The following TSPAN33 variants were observed in gnomAD, a reference collection of about 807,000 sequenced individuals.
The protein encoded by TSPAN33 is tetraspanin-33.
TSPAN33 carries 27 observed loss-of-function variants against 34.8 expected under a neutral mutation model. That is an observed-to-expected ratio of 0.78 (90% confidence interval 0.57 to 1.07). TSPAN33 has a LOEUF of 1.07. Among genes scored for constraint, TSPAN33 ranks in the 50% least tolerant of loss-of-function variants. The pLI is 0.00. For synonymous variants in TSPAN33, 119 were observed against 124.2 expected, an observed-to-expected ratio of 0.96 and a Z score of 0.28; for missense variants, 272 against 324.9, an observed-to-expected ratio of 0.84 and a Z score of 1.25.
intron 1 of TSPAN33, among the ~76,000 whole-genome samples, chr7:129,147,367 G>A (rs1563135005): frequency 1.3e-5 from 2 of 152,170 alleles, no homozygotes; most frequent in Non-Finnish European, 2.9e-5. Flanking sequence ...AAGACCTAGA[G>A]CTGGATCTAA....
chr7:129,156,549 T>A (rs1810666886), intron 1 of TSPAN33, among the ~76,000 whole-genome samples: 1 of 152,220 alleles, frequency 6.6e-6, no homozygotes, highest in Non-Finnish European at 1.5e-5. Flanking sequence ...CTTATTTATA[T>A]CAGCATGGGC....
chr7:129,158,837 G>A (rs1404373025), intron 1 of TSPAN33, among the ~76,000 whole-genome samples: 2 of 152,008 alleles, frequency 1.3e-5, no homozygotes, highest in Admixed American at 6.6e-5. Context: ...TGCAACCTCC[G>A]CCTCCCGGGT....
At position 129,167,352 on chromosome 7, in the gene TSPAN33, A is replaced by C; in HGVS notation, c.589-47A>C. On this transcript the variant is annotated intron_variant, in intron 6 of 7. Transcript: ENST00000486685. The surrounding 1 kb of genome is among the most constrained non-coding windows in gnomAD (Gnocchi z 4.6). Reference sequence around the variant, plus strand: ...CCATCAGCTAAGGCCCCAAACAAAAAGTTATTGGAATTACAGTCCCAATTG... The same window carrying C: ...CCATCAGCTAAGGCCCCAAACAAAACGTTATTGGAATTACAGTCCCAATTG... 1 of 1,579,126 alleles carries C rather than the reference A, an allele frequency of 6.3e-7. No individual in the cohort carries two copies. The highest frequency in any genetic ancestry group is 8.6e-7 in the Non-Finnish European group (1 of 1,157,594).
At chr7:129,145,910 G>C (rs540322145) in intron 1 of TSPAN33, among the ~76,000 whole-genome samples, 1 of 151,982 alleles carries the variant, frequency 6.6e-6, no homozygotes, top group Non-Finnish European at 1.5e-5. Context: ...GTGTGATCAG[G>C]GGTGGCAGAA....
chr7:129,161,891 C>T lies in TSPAN33; in HGVS notation c.160+155C>T, dbSNP rs527965132. On this transcript the variant is annotated intron_variant, in intron 2 of 7. Coordinates refer to ENST00000486685, the MANE Select transcript of TSPAN33 (RefSeq NM_178562.5). The stretch of plus-strand genomic sequence containing the variant: ...TGGTCTACGTAGGTGTCAGACCCCC[C>T]CAGGCCAGTGCCCCTGGATTTCCCT... Among the ~76,000 whole-genome samples, 3 of 152,300 alleles carry T rather than the reference C, an allele frequency of 2.0e-5. No homozygotes were observed. In the East Asian group the frequency reaches 5.8e-4, roughly 29 times the overall value.
At chr7:129,158,026 A>G (rs1792983022) in intron 1 of TSPAN33, among the ~76,000 whole-genome samples, 1 of 152,242 alleles carries the variant, frequency 6.6e-6, no homozygotes, top group South Asian at 2.1e-4. Flanking sequence ...GGGAAGTGCT[A>G]GGAAGAGCTC....
chr7:129,156,506 A>G (rs758815520), intron 1 of TSPAN33, among the ~76,000 whole-genome samples: 6 of 152,146 alleles, frequency 3.9e-5, no homozygotes, highest in Non-Finnish European at 5.9e-5. Flanking sequence ...TCTATGTAGG[A>G]GATTTGTCTT....
chr7:129,160,714 G>C (rs771433682), intron 1 of TSPAN33, among the ~76,000 whole-genome samples: 1 of 152,208 alleles, frequency 6.6e-6, no homozygotes, highest in Non-Finnish European at 1.5e-5. Context: ...ACATTGGAGT[G>C]CACTTTCTTT....
chr7:129,159,364 A>AT (rs1172835772), intron 1 of TSPAN33, among the ~76,000 whole-genome samples: 1 of 151,970 alleles, frequency 6.6e-6, no homozygotes, highest in Non-Finnish European at 1.5e-5. Flanking sequence ...CTGACCCCAC[A>AT]TTTTCTTTTT....
rs776322742 is a variant in TSPAN33, at chr7:129,167,355, T to G, written c.589-44T>G. On this transcript the variant is annotated intron_variant, in intron 6 of 7. Coordinates refer to ENST00000486685, the MANE Select transcript of TSPAN33 (RefSeq NM_178562.5). This position sits in a 1 kb window ranked among gnomAD's most constrained non-coding sequence, Gnocchi z 4.6. The stretch of plus-strand genomic sequence containing the variant: ...TCAGCTAAGGCCCCAAACAAAAAGT[T>G]ATTGGAATTACAGTCCCAATTGGCT... 5.1e-5 allele frequency: 80 copies of G among 1,581,484 alleles called. No individual in the cohort carries two copies. The highest frequency in any genetic ancestry group is 6.9e-5 in the Non-Finnish European group (80 of 1,158,872).
At position 129,161,689 on chromosome 7, in the gene TSPAN33, T is replaced by C. The variant is rs1793056623; in HGVS notation, c.113T>C (p.Met38Thr). The C allele has an allele frequency of 6.2e-7, 1 of 1,614,052 alleles. No individual in the cohort carries two copies. Residue 38 changes from methionine (M) to threonine (T), a missense_variant, in exon 2 of 8, where the codon ATG becomes ACG. By Grantham distance (81) the Met-to-Thr change is moderately conservative. Coordinates refer to ENST00000486685, the MANE Select transcript of TSPAN33 (RefSeq NM_178562.5). ...TTCCTGTCTCCACAGGTGATTTCCA[T>C]GGTGATGGTGGCTGTGGGTGTCTAC... Reference protein sequence around the residue: ...FFNMLFWVISMVMVAVGVYAR... With the variant: ...FFNMLFWVISTVMVAVGVYAR...
intron 1 of TSPAN33, among the ~76,000 whole-genome samples, chr7:129,149,007 A>G (rs1429310053): frequency 6.6e-6 from 1 of 151,866 alleles, no homozygotes; most frequent in Non-Finnish European, 1.5e-5. Flanking sequence ...CCCTCATCCT[A>G]TACTTCCAAA....
intron 1 of TSPAN33, among the ~76,000 whole-genome samples, chr7:129,154,900 A>C (rs1476936605): frequency 6.6e-6 from 1 of 152,332 alleles, no homozygotes; most frequent in East Asian, 1.9e-4. Flanking sequence ...CAGCAATCCC[A>C]CTACTGAGTG....
chr7:129,155,863 T>C (rs1479361697), intron 1 of TSPAN33, among the ~76,000 whole-genome samples: 1 of 152,138 alleles, frequency 6.6e-6, no homozygotes, highest in Non-Finnish European at 1.5e-5. Context: ...TAGCTGGGAC[T>C]ACAGGCATGC....
At chr7:129,146,452 CA>C (rs1563134824) in intron 1 of TSPAN33, among the ~76,000 whole-genome samples, 2 of 152,232 alleles carry the variant, frequency 1.3e-5, no homozygotes, top group Admixed American at 6.5e-5. Context: ...AACTAAAGCA[CA>C]GAGATGTTAA....
intron 4 of TSPAN33, among the ~76,000 whole-genome samples, chr7:129,164,011 C>T (rs976225158): frequency 2.6e-5 from 4 of 151,904 alleles, no homozygotes; most frequent in Non-Finnish European, 5.9e-5. Context: ...GAGTTAATTC[C>T]GAATTTCGTA....
chr7:129,149,876 C>T (rs1032177908), intron 1 of TSPAN33, among the ~76,000 whole-genome samples: 1 of 152,204 alleles, frequency 6.6e-6, no homozygotes, highest in Non-Finnish European at 1.5e-5. Flanking sequence ...ATAACAGCAG[C>T]GCCATGGAGA....
At chr7:129,162,980 GC>G in intron 4 of TSPAN33, 73 bp downstream of exon 4, 1 of 1,467,294 alleles carries the variant, frequency 6.8e-7, no homozygotes, top group Non-Finnish European at 9.4e-7. Context: ...CCCATGTTTA[GC>G]CTGGTTAATT....
chr7:129,152,165 A>C (rs767738543), intron 1 of TSPAN33, among the ~76,000 whole-genome samples: 4 of 152,244 alleles, frequency 2.6e-5, no homozygotes, highest in Non-Finnish European at 5.9e-5. Context: ...GCCGCTGTGG[A>C]AAACAGTTTG....
Sources: gnomAD v4.1 joint callset for allele counts (sites outside exome capture counted in the v4.1 genomes callset) on GRCh38, gnomAD v4.1.1 for gene constraint, Gnocchi (gnomAD v3.1) non-coding constraint, MANE v1.5 for transcripts, NCBI Gene and HGNC (gene_info 2026-07-23, HGNC 2026-07-21) for gene names.